GPATCH2: variants seen among roughly 807,000 people sequenced by gnomAD.
GPATCH2 encodes G-patch domain containing 2.
In GPATCH2, 51 loss-of-function variants were observed where a neutral mutation model predicts 58.0. The observed-to-expected ratio is 0.88, with a 90% confidence interval of 0.70 to 1.11. The LOEUF (loss-of-function observed/expected upper bound fraction) is 1.11, where lower values mean the gene tolerates loss of function less well. Among genes scored for constraint, GPATCH2 ranks in the 50% most tolerant of loss-of-function variants. GPATCH2 has a pLI of 0.00. For missense variants in GPATCH2, 625 were observed against 652.2 expected, an observed-to-expected ratio of 0.96 and a Z score of 0.45; for synonymous variants, 222 against 218.5, an observed-to-expected ratio of 1.02 and a Z score of -0.14.
chr1:217,453,847 C>G (rs892018797), intron 8 of GPATCH2, among the ~76,000 whole-genome samples: 20 of 152,144 alleles, frequency 1.3e-4, no homozygotes, highest in Admixed American at 1.3e-4. Flanking sequence ...CAAACAGAGG[C>G]TGTTCAGAGA....
chr1:217,427,346 A>C lies in GPATCH2; in HGVS notation c.*3799T>G, dbSNP rs1352488803. ...ATTTGTGAATCAAATACATTTACCAATATTTTTCTCTAATTTTTTTGAGAT... is the reference window on the plus strand; with the variant it reads ...ATTTGTGAATCAAATACATTTACCACTATTTTTCTCTAATTTTTTTGAGAT... On this transcript the variant is annotated 3_prime_UTR_variant, in exon 10 of 10. Coordinates refer to ENST00000366935, the MANE Select transcript of GPATCH2 (RefSeq NM_018040.5). The C allele has an allele frequency of 2.0e-5, 3 of 152,184 alleles. No homozygotes were observed. The highest frequency in any genetic ancestry group is 2.9e-5 in the Non-Finnish European group (2 of 68,020). The allele number at this position is 152,184 out of a possible 1,614,324, so 9.4% of individuals were successfully genotyped here. A position where few individuals can be genotyped will look rare whatever the true frequency, so the allele number is the denominator to read the frequency against.
intron 8 of GPATCH2, among the ~76,000 whole-genome samples, chr1:217,459,354 T>C (rs1660097810): frequency 6.6e-6 from 1 of 152,168 alleles, no homozygotes; most frequent in Non-Finnish European, 1.5e-5. Flanking sequence ...TTGGGGAAAT[T>C]GAGGAAAATT....
At chr1:217,456,635 C>T (rs146846195) in intron 8 of GPATCH2, among the ~76,000 whole-genome samples, 1,535 of 152,276 alleles carry the variant, frequency 0.01, 11 homozygotes, top group Middle Eastern at 0.048. Context: ...GTGCAAAATA[C>T]AGGTATGCAT....
intron 5 of GPATCH2, among the ~76,000 whole-genome samples, chr1:217,548,831 G>A (rs776941804): frequency 5.3e-5 from 8 of 152,076 alleles, no homozygotes; most frequent in East Asian, 3.9e-4. Context: ...GGTGCCTTCC[G>A]CCATGATTGT....
Position 217,429,459 on chromosome 1 carries a change from T to C in GPATCH2, c.*1686A>G, listed in dbSNP as rs978246941. The C allele has an allele frequency of 1.3e-5, 2 of 152,172 alleles. No homozygotes were observed. Among genetic ancestry groups the C allele is most frequent in the African/African-American group, 4.8e-5 (2 of 41,520 alleles). The allele number at this position is 152,172 out of a possible 1,614,324, so 9.4% of individuals were successfully genotyped here. The stretch of plus-strand genomic sequence containing the variant: ...AGCAGGTTGGACTTCCCCTCCCTAG[T>C]TGGCAGGATTTTTTTTAGGGGACCA... On this transcript the variant is annotated 3_prime_UTR_variant, in exon 10 of 10. Transcript: ENST00000366935.
intron 5 of GPATCH2, among the ~76,000 whole-genome samples, chr1:217,522,608 GAATA>G (rs2102599545): frequency 6.6e-6 from 1 of 152,198 alleles, no homozygotes; most frequent in African/African-American, 2.4e-5. Flanking sequence ...CTTCTTTTAT[GAATA>G]AATGACAAAG....
chr1:217,511,990 A>C (rs1391590259), intron 6 of GPATCH2, among the ~76,000 whole-genome samples: 1 of 152,138 alleles, frequency 6.6e-6, no homozygotes, highest in Non-Finnish European at 1.5e-5. Context: ...GGTGCGCCTG[A>C]AGAAAGGGAT....
At chr1:217,526,381 A>C (rs1419681778) in intron 5 of GPATCH2, among the ~76,000 whole-genome samples, 1 of 152,192 alleles carries the variant, frequency 6.6e-6, no homozygotes, top group Non-Finnish European at 1.5e-5. Flanking sequence ...AATTGCACTA[A>C]AAATTTCCAT....
chr1:217,607,544 G>C (rs566347906), intron 5 of GPATCH2, among the ~76,000 whole-genome samples: 1 of 152,088 alleles, frequency 6.6e-6, no homozygotes, highest in African/African-American at 2.4e-5. Context: ...CCATGAGTTC[G>C]ATGTTAGTAA....
intron 5 of GPATCH2, among the ~76,000 whole-genome samples, chr1:217,544,902 G>A (rs1300553630): frequency 6.6e-6 from 1 of 152,104 alleles, no homozygotes; most frequent in African/African-American, 2.4e-5. Flanking sequence ...TGAAAGAAAT[G>A]TCTTTCCTCC....
At chr1:217,453,722 T>G (rs975129204) in intron 8 of GPATCH2, among the ~76,000 whole-genome samples, 1 of 152,138 alleles carries the variant, frequency 6.6e-6, no homozygotes, top group Non-Finnish European at 1.5e-5. Flanking sequence ...GAGAACCACC[T>G]TGCCTGAAAA....
chr1:217,442,109 T>C (rs544933406), intron 9 of GPATCH2, among the ~76,000 whole-genome samples: 2 of 152,270 alleles, frequency 1.3e-5, no homozygotes, highest in East Asian at 3.9e-4. Flanking sequence ...CCATCAATGA[T>C]AGGCTGGATA....
At chr1:217,520,221 T>A (rs930922768) in intron 5 of GPATCH2, among the ~76,000 whole-genome samples, 4 of 152,136 alleles carry the variant, frequency 2.6e-5, no homozygotes. Context: ...TCACTACAAA[T>A]CCTTACCTAC....
chr1:217,624,930 T>C (rs1388043126), intron 1 of GPATCH2, among the ~76,000 whole-genome samples: 1 of 152,218 alleles, frequency 6.6e-6, no homozygotes, highest in Non-Finnish European at 1.5e-5. Context: ...ATAGTCCGAA[T>C]GAACAGAATA....
At chr1:217,625,492 A>T (rs1669406489) in intron 1 of GPATCH2, among the ~76,000 whole-genome samples, 1 of 152,222 alleles carries the variant, frequency 6.6e-6, no homozygotes, top group Admixed American at 6.5e-5. Context: ...TCCCCGAGAA[A>T]TAAACAGTCA....
chr1:217,449,327 T>C lies in GPATCH2; in HGVS notation c.1288A>G (p.Met430Val), dbSNP rs753071854. The part of the protein sequence containing the change: ...SVRTASRQTS[M>V]HLGSLCTGDI... Reference sequence around the variant, plus strand: ...CCCGTGCATAAGGATCCTAAATGCATGCTTGTTTGCCTACGAATAATTATC... The same window carrying C: ...CCCGTGCATAAGGATCCTAAATGCACGCTTGTTTGCCTACGAATAATTATC... Residue 430 changes from methionine to valine, a missense_variant, in exon 9 of 10, where the codon ATG (methionine) becomes GTG (valine). Transcript: ENST00000366935. 4 of 1,588,412 alleles carry C rather than the reference T, an allele frequency of 2.5e-6. No homozygotes were observed. The highest frequency in any genetic ancestry group is 2.2e-5 in the South Asian group (2 of 90,512).
Position 217,561,727 on chromosome 1 carries a change from A to G in GPATCH2, c.1099-46838T>C, listed in dbSNP as rs181814751. Among the ~76,000 whole-genome samples, 5 of 152,266 alleles carry G rather than the reference A, an allele frequency of 3.3e-5. No homozygotes were observed. In the East Asian group the frequency reaches 9.7e-4, roughly 29 times the overall value. ...CTGAGTGACCTACAGACTTTCAGAA[A>G]CCAGATCATCACCACTGTTTTCATC... On this transcript the variant is annotated intron_variant, in intron 5 of 9. Transcript: ENST00000366935.
intron 5 of GPATCH2, among the ~76,000 whole-genome samples, chr1:217,534,018 C>A (rs1227627073): frequency 2.0e-5 from 3 of 152,096 alleles, no homozygotes; most frequent in Non-Finnish European, 4.4e-5. Flanking sequence ...GAGTTTGAGA[C>A]TAGCCTGGCC....
At chr1:217,499,743 T>A (rs1662203588) in intron 6 of GPATCH2, among the ~76,000 whole-genome samples, 1 of 152,006 alleles carries the variant, frequency 6.6e-6, no homozygotes, top group South Asian at 2.1e-4. Flanking sequence ...CTTTTTTTTT[T>A]TTTTATTTAA....
Sources: gnomAD v4.1 joint callset for allele counts (sites outside exome capture counted in the v4.1 genomes callset) on GRCh38, gnomAD v4.1.1 for gene constraint, MANE v1.5 for transcripts, NCBI Gene and HGNC (gene_info 2026-07-23, HGNC 2026-07-21) for gene names.